CEP85L: variants seen among roughly 807,000 people sequenced by gnomAD.
CEP85L encodes centrosomal protein 85L, also known as centrosomal protein of 85 kDa-like.
Under a neutral mutation model 100.3 loss-of-function variants are expected in CEP85L, and 60 were observed. The ratio of observed to expected loss-of-function variants is 0.60; its 90% confidence interval spans 0.49 to 0.74. The LOEUF (loss-of-function observed/expected upper bound fraction) is 0.74, where lower values mean the gene tolerates loss of function less well. CEP85L is among the 30% of genes least tolerant of loss of function. CEP85L has a pLI of 0.00. For missense variants in CEP85L, 973 were observed against 936.2 expected (o/e 1.04, Z -0.51); for synonymous variants, 319 against 322.7 (o/e 0.99, Z 0.12).
intron 5 of CEP85L, chr6:118,501,765 C>T: frequency 1.1e-6 from 1 of 924,548 alleles, no homozygotes; most frequent in East Asian, 2.5e-5. Context: ...AGCAGAAAGA[C>T]AGAACAGACA....
intron 5 of CEP85L, chr6:118,501,788 G>C (rs1442554191): frequency 9.5e-7 from 1 of 1,049,546 alleles, no homozygotes; most frequent in South Asian, 1.3e-5. Flanking sequence ...TCACAGAGTG[G>C]GGAGGATGGA....
At chr6:118,570,548 CT>C (rs1189155472) in intron 2 of CEP85L, among the ~76,000 whole-genome samples, 2 of 152,162 alleles carry the variant, frequency 1.3e-5, no homozygotes, top group Non-Finnish European at 2.9e-5. Context: ...CTGATATATG[CT>C]GTCCATAGAC....
chr6:118,644,360 C>T (rs1775056422), intron 1 of CEP85L, among the ~76,000 whole-genome samples: 1 of 152,078 alleles, frequency 6.6e-6, no homozygotes, highest in South Asian at 2.1e-4. Context: ...GCTTAGTCCT[C>T]TACTGTCTTC....
At chr6:118,501,702 T>A in intron 5 of CEP85L, 2 of 685,496 alleles carry the variant, frequency 2.9e-6, no homozygotes, top group South Asian at 1.5e-5. Flanking sequence ...CAGGAAAAAA[T>A]TCAGAGCCTG....
chr6:118,519,270 A>G (rs547600891), intron 4 of CEP85L, among the ~76,000 whole-genome samples: 19 of 152,170 alleles, frequency 1.2e-4, no homozygotes, highest in African/African-American at 4.6e-4. Flanking sequence ...CCTGGTCAAC[A>G]TGGTGAAACC....
intron 1 of CEP85L, among the ~76,000 whole-genome samples, chr6:118,691,362 C>T (rs560488531): frequency 6.6e-6 from 1 of 152,118 alleles, no homozygotes; most frequent in African/African-American, 2.4e-5. Context: ...GAGAAACCCC[C>T]ATCTCTACTA....
intron 1 of CEP85L, among the ~76,000 whole-genome samples, chr6:118,666,880 G>A (rs1214542340): frequency 6.6e-6 from 1 of 152,158 alleles, no homozygotes; most frequent in Non-Finnish European, 1.5e-5. Flanking sequence ...GAGTACATGG[G>A]CATTGTTGGG....
upstream of CEP85L, chr6:118,651,964 G>T: frequency 2.1e-6 from 2 of 971,792 alleles, no homozygotes; most frequent in Non-Finnish European, 2.4e-6. Context: ...AAAAAGCCAA[G>T]CCAGGGCGCG....
At chr6:118,568,679 G>A (rs1040932769) in intron 2 of CEP85L, among the ~76,000 whole-genome samples, 1 of 152,150 alleles carries the variant, frequency 6.6e-6, no homozygotes, top group African/African-American at 2.4e-5. Context: ...TGATTATTCT[G>A]ACAGCAGAGT....
At chr6:118,691,013 A>C (rs1392903342) in intron 1 of CEP85L, among the ~76,000 whole-genome samples, 1 of 152,118 alleles carries the variant, frequency 6.6e-6, no homozygotes, top group Non-Finnish European at 1.5e-5. Flanking sequence ...AAAAAAAAGA[A>C]AGAAGGAAAG....
At chr6:118,630,181 AC>A (rs1352194441) in intron 2 of CEP85L, among the ~76,000 whole-genome samples, 1 of 152,122 alleles carries the variant, frequency 6.6e-6, no homozygotes, top group Non-Finnish European at 1.5e-5. Context: ...TAAACCTAAA[AC>A]GCATGTGTGT....
intron 3 of CEP85L, among the ~76,000 whole-genome samples, chr6:118,531,191 A>G (rs1468108344): frequency 6.6e-6 from 1 of 152,152 alleles, no homozygotes; most frequent in Non-Finnish European, 1.5e-5. Context: ...GAGAGCTCAG[A>G]AATAATACCA....
rs377677236 is a variant in CEP85L at position 118,483,895 on chromosome 6, A to G, written c.1438-37T>C. On this transcript the variant is annotated intron_variant, in intron 6 of 12. Transcript: ENST00000368491. ...CAATTATGAACCTTCAGTAGTTTTCAGTCATTAAAAGATATAACAAAACCA... is the reference window on the plus strand; with the variant it reads ...CAATTATGAACCTTCAGTAGTTTTCGGTCATTAAAAGATATAACAAAACCA... 224 of 1,581,368 alleles carry G rather than the reference A, an allele frequency of 1.4e-4. 1 individual carries two copies. The South Asian group carries it at 2.2e-3, about 16-fold the overall frequency.
intron 2 of CEP85L, among the ~76,000 whole-genome samples, chr6:118,574,634 G>A (rs1407637706): frequency 6.6e-6 from 1 of 152,174 alleles, no homozygotes; most frequent in African/African-American, 2.4e-5. Context: ...CCAGTGTGAA[G>A]AATAAACCTG....
intron 5 of CEP85L, among the ~76,000 whole-genome samples, chr6:118,505,639 G>A (rs1041232063): frequency 3.9e-5 from 6 of 151,978 alleles, no homozygotes; most frequent in African/African-American, 1.5e-4. Flanking sequence ...AAAAAGAAAT[G>A]GTTTGAATAG....
intron 3 of CEP85L, among the ~76,000 whole-genome samples, chr6:118,563,814 T>C (rs1430603102): frequency 2.0e-5 from 3 of 152,166 alleles, no homozygotes; most frequent in South Asian, 4.1e-4. Flanking sequence ...AAAATAAAGA[T>C]AATACTACTT....
intron 1 of CEP85L, among the ~76,000 whole-genome samples, chr6:118,658,906 C>G (rs926177075): frequency 2.6e-5 from 4 of 152,080 alleles, no homozygotes; most frequent in African/African-American, 9.6e-5. Context: ...GGTCTTTTTT[C>G]CTCTACTTTG....
chr6:118,677,889 G>T (rs1776532074), intron 1 of CEP85L, among the ~76,000 whole-genome samples: 1 of 152,042 alleles, frequency 6.6e-6, no homozygotes, highest in African/African-American at 2.4e-5. Context: ...ATTTATTTAG[G>T]TTATAAATGT....
intron 1 of CEP85L, among the ~76,000 whole-genome samples, chr6:118,682,048 G>A (rs1236728767): frequency 6.6e-6 from 1 of 151,778 alleles, no homozygotes; most frequent in Non-Finnish European, 1.5e-5. Flanking sequence ...TTACAGGCGT[G>A]AGCCACCGCA....
Sources: gnomAD v4.1 joint callset for allele counts (sites outside exome capture counted in the v4.1 genomes callset) on GRCh38, gnomAD v4.1.1 for gene constraint, MANE v1.5 for transcripts, NCBI Gene and HGNC (gene_info 2026-07-23, HGNC 2026-07-21) for gene names.